KIAA1328: variants seen among roughly 807,000 people sequenced by gnomAD.
KIAA1328 encodes the protein KIAA1328.
Under a neutral mutation model 68.1 loss-of-function variants are expected in KIAA1328, and 52 were observed. That is an observed-to-expected ratio of 0.76 (90% CI 0.61 to 0.96). The LOEUF (loss-of-function observed/expected upper bound fraction) is 0.96. KIAA1328 is among the 40% of genes least tolerant of loss of function. The pLI is 0.00. For missense variants in KIAA1328, 641 were observed against 677.6 expected, an observed-to-expected ratio of 0.95 and a Z score of 0.60; for synonymous variants, 232 against 239.4, an observed-to-expected ratio of 0.97 and a Z score of 0.28.
chr18:37,005,077 A>G (rs2053730408), intron 6 of KIAA1328, among the ~76,000 whole-genome samples: 1 of 152,100 alleles, frequency 6.6e-6, no homozygotes, highest in Non-Finnish European at 1.5e-5. Flanking sequence ...GAATGATACA[A>G]TGGACTTTCA....
chr18:36,840,811 C>A (rs1277165160), intron 3 of KIAA1328, among the ~76,000 whole-genome samples: 1 of 152,066 alleles, frequency 6.6e-6, no homozygotes, highest in Non-Finnish European at 1.5e-5. Flanking sequence ...ATCCTTAATT[C>A]ATTAAGGATT....
intron 6 of KIAA1328, among the ~76,000 whole-genome samples, chr18:36,985,642 C>T (rs1269976517): frequency 2.0e-5 from 3 of 152,132 alleles, no homozygotes; most frequent in African/African-American, 7.2e-5. Context: ...ATGGATATGT[C>T]ACAATTTCAT....
intron 9 of KIAA1328, among the ~76,000 whole-genome samples, chr18:37,205,730 T>A (rs1276191584): frequency 6.6e-6 from 1 of 151,660 alleles, no homozygotes. Context: ...TTAATTCGGT[T>A]TTCCATCTGA....
chr18:37,098,910 C>T (rs977749071), intron 7 of KIAA1328, among the ~76,000 whole-genome samples: 2 of 151,972 alleles, frequency 1.3e-5, no homozygotes, highest in African/African-American at 4.8e-5. Flanking sequence ...TCTGTGGGAT[C>T]GGTGGCAATA....
At chr18:37,054,704 G>GT (rs1329677990) in intron 6 of KIAA1328, among the ~76,000 whole-genome samples, 1 of 152,184 alleles carries the variant, frequency 6.6e-6, no homozygotes, top group African/African-American at 2.4e-5. Flanking sequence ...AAAGCTGCCT[G>GT]TTGGGTAGTA....
At chr18:37,047,019 C>T (rs2055498431) in intron 6 of KIAA1328, among the ~76,000 whole-genome samples, 1 of 152,126 alleles carries the variant, frequency 6.6e-6, no homozygotes, top group Admixed American at 6.6e-5. Flanking sequence ...GTAGTCCCAG[C>T]TACTCGGGAG....
chr18:37,101,204 C>T lies in KIAA1328; in HGVS notation c.1232+33659C>T, dbSNP rs147136973. Among the ~76,000 whole-genome samples, 407 of 152,044 alleles carry T rather than the reference C, an allele frequency of 2.7e-3. 1 individual carries two copies. Among genetic ancestry groups the T allele is most frequent in the African/African-American group, 9.1e-3 (379 of 41,486 alleles). On this transcript the variant is annotated intron_variant, in intron 7 of 9. Coordinates refer to ENST00000280020, the MANE Select transcript of KIAA1328 (RefSeq NM_020776.3). The stretch of plus-strand genomic sequence containing the variant: ...TGAGTTGAGAGAAGAAGGCTTCAGA[C>T]GATCAAACTACTCTGAGCTAAAGGA...
chr18:37,199,438 TA>T (rs1281750875), intron 9 of KIAA1328, among the ~76,000 whole-genome samples: 1 of 152,250 alleles, frequency 6.6e-6, no homozygotes, highest in African/African-American at 2.4e-5. Flanking sequence ...CATTCCTTTT[TA>T]TGGTTGCATA....
intron 6 of KIAA1328, among the ~76,000 whole-genome samples, chr18:37,036,424 T>C (rs946122372): frequency 1.3e-5 from 2 of 152,364 alleles, no homozygotes; most frequent in East Asian, 1.9e-4. Context: ...TCTATCTTTA[T>C]TGAAGTTGTG....
intron 6 of KIAA1328, among the ~76,000 whole-genome samples, chr18:36,977,229 C>A (rs943662736): frequency 6.6e-6 from 1 of 152,180 alleles, no homozygotes; most frequent in Non-Finnish European, 1.5e-5. Context: ...ACTGTGTATC[C>A]TTAAAGGCCT....
At chr18:37,055,167 T>C (rs1415317599) in intron 6 of KIAA1328, among the ~76,000 whole-genome samples, 1 of 152,178 alleles carries the variant, frequency 6.6e-6, no homozygotes, top group Non-Finnish European at 1.5e-5. Flanking sequence ...GTGAAGGAGC[T>C]TAAACCTCCT....
intron 6 of KIAA1328, among the ~76,000 whole-genome samples, chr18:37,033,949 A>G: frequency 6.6e-6 from 1 of 152,350 alleles, no homozygotes; most frequent in South Asian, 2.1e-4. Context: ...GTCTGAATAT[A>G]TAAAACAACT....
chr18:37,202,742 A>G (rs2060137877), intron 9 of KIAA1328, among the ~76,000 whole-genome samples: 1 of 152,202 alleles, frequency 6.6e-6, no homozygotes, highest in African/African-American at 2.4e-5. Context: ...ATGCATATTA[A>G]TAACATATTT....
chr18:37,007,162 C>G (rs2053814393), intron 6 of KIAA1328, among the ~76,000 whole-genome samples: 2 of 152,136 alleles, frequency 1.3e-5, no homozygotes, highest in South Asian at 2.1e-4. Flanking sequence ...CACTTGTAGT[C>G]CAGAACAACA....
At chr18:37,070,349 C>A (rs2056481556) in intron 7 of KIAA1328, among the ~76,000 whole-genome samples, 1 of 152,056 alleles carries the variant, frequency 6.6e-6, no homozygotes, top group African/African-American at 2.4e-5. Context: ...TTGTTGAGTT[C>A]TTCTATATTC....
chr18:37,119,347 G>A (rs2058207590), intron 7 of KIAA1328, among the ~76,000 whole-genome samples: 1 of 152,060 alleles, frequency 6.6e-6, no homozygotes, highest in South Asian at 2.1e-4. Flanking sequence ...TGTCTTAGTC[G>A]GCTTGGGTTT....
At chr18:37,180,267 T>C (rs919594759) in intron 9 of KIAA1328, among the ~76,000 whole-genome samples, 1 of 152,176 alleles carries the variant, frequency 6.6e-6, no homozygotes, top group African/African-American at 2.4e-5. Flanking sequence ...AGTAGTATTA[T>C]CCGATTTGAC....
intron 6 of KIAA1328, among the ~76,000 whole-genome samples, chr18:37,025,535 A>C (rs1173044041): frequency 1.3e-5 from 2 of 152,228 alleles, no homozygotes; most frequent in East Asian, 3.8e-4. Flanking sequence ...CTCAGACCAC[A>C]GTGCAATCAA....
intron 7 of KIAA1328, among the ~76,000 whole-genome samples, chr18:37,140,134 C>G (rs566658409): frequency 1.1e-3 from 160 of 152,024 alleles, no homozygotes; most frequent in Admixed American, 1.5e-3. Flanking sequence ...CAAATTGCAC[C>G]AAATGCAGCT....
Sources: gnomAD v4.1 joint callset for allele counts (sites outside exome capture counted in the v4.1 genomes callset) on GRCh38, gnomAD v4.1.1 for gene constraint, MANE v1.5 for transcripts, NCBI Gene and HGNC (gene_info 2026-07-23, HGNC 2026-07-21) for gene names.